The following NRG1 variants were observed in gnomAD, a reference collection of about 807,000 sequenced individuals.
The protein encoded by NRG1 is pro-neuregulin-1, membrane-bound isoform.
In NRG1, 18 loss-of-function variants were observed where a neutral mutation model predicts 63.8. The observed-to-expected ratio is 0.28, with a 90% confidence interval of 0.19 to 0.42. NRG1 has a LOEUF of 0.42. Ranked by LOEUF, NRG1 falls within the 10% of genes least tolerant of loss-of-function variation. The probability of loss-of-function intolerance (pLI) is 1.00; values close to 1 mark genes in which losing one functional copy is unlikely to be tolerated. For synonymous variants in NRG1, 302 were observed against 301.3 expected (o/e 1.00, Z -0.02); for missense variants, 762 against 814.7 (o/e 0.94, Z 0.79).
chr8:32,433,505 C>T (rs1009692804), intron 1 of NRG1, among the ~76,000 whole-genome samples: 1 of 152,020 alleles, frequency 6.6e-6, no homozygotes, highest in Admixed American at 6.5e-5. Flanking sequence ...TTTCCTTGTT[C>T]GGGAAATAAT....
chr8:31,858,291 T>C (rs1170264462), intron 1 of NRG1, among the ~76,000 whole-genome samples: 1 of 148,172 alleles, frequency 6.7e-6, no homozygotes, highest in South Asian at 2.1e-4. Context: ...AGAGTGAGAC[T>C]CCGTCTCAAA....
intron 1 of NRG1, among the ~76,000 whole-genome samples, chr8:31,844,297 C>A (rs1477196116): frequency 6.6e-6 from 1 of 152,150 alleles, no homozygotes. Flanking sequence ...AGCAGCCTTG[C>A]CAGTTCGGAA....
intron 1 of NRG1, among the ~76,000 whole-genome samples, chr8:32,062,898 T>A (rs1824120757): frequency 6.6e-6 from 1 of 152,126 alleles, no homozygotes; most frequent in African/African-American, 2.4e-5. Context: ...TTTTTGGTAC[T>A]GTGTATTAGG....
intron 1 of NRG1, among the ~76,000 whole-genome samples, chr8:32,126,416 T>G (rs1352249256): frequency 6.6e-6 from 1 of 151,862 alleles, no homozygotes; most frequent in African/African-American, 2.4e-5. Flanking sequence ...TACAATAAAA[T>G]GAAATTTGGC....
chr8:32,239,310 T>A, intron 1 of NRG1, among the ~76,000 whole-genome samples: 1 of 148,228 alleles, frequency 6.7e-6, no homozygotes, highest in African/African-American at 2.5e-5. Flanking sequence ...AGCAATTGGA[T>A]ATCCAAAGGC....
At chr8:32,192,556 A>C (rs183129805) in intron 1 of NRG1, among the ~76,000 whole-genome samples, 1 of 152,166 alleles carries the variant, frequency 6.6e-6, no homozygotes, top group Non-Finnish European at 1.5e-5. Flanking sequence ...CCATGGACGT[A>C]AAGATGGGAA....
chr8:31,959,656 T>G (rs2129625488), intron 1 of NRG1, among the ~76,000 whole-genome samples: 1 of 152,292 alleles, frequency 6.6e-6, no homozygotes, highest in East Asian at 1.9e-4. Context: ...GGAGATTATC[T>G]TTAAGCATTT....
intron 1 of NRG1, among the ~76,000 whole-genome samples, chr8:32,492,434 T>C (rs1188665900): frequency 6.6e-6 from 1 of 151,928 alleles, no homozygotes; most frequent in Admixed American, 6.6e-5. Context: ...TTTTTTTTTT[T>C]TCTGTAGAAA....
chr8:31,885,755 GT>G (rs1830671720), intron 1 of NRG1, among the ~76,000 whole-genome samples: 1 of 152,106 alleles, frequency 6.6e-6, no homozygotes, highest in African/African-American at 2.4e-5. Context: ...TCCTTATGCA[GT>G]TGTGTTTTGC....
intron 7 of NRG1, among the ~76,000 whole-genome samples, chr8:32,747,910 C>A (rs142328056): frequency 6.6e-6 from 1 of 152,082 alleles, no homozygotes; most frequent in African/African-American, 2.4e-5. Context: ...GCTACCCAAG[C>A]TGTTAAACCC....
At chr8:32,585,657 G>T (rs1240772073) in intron 1 of NRG1, among the ~76,000 whole-genome samples, 4 of 151,562 alleles carry the variant, frequency 2.6e-5, no homozygotes, top group African/African-American at 9.7e-5. Flanking sequence ...TAGTTCAAAA[G>T]AATTATTTTA....
chr8:32,349,610 G>C (rs1356039636), intron 1 of NRG1, among the ~76,000 whole-genome samples: 1 of 152,218 alleles, frequency 6.6e-6, no homozygotes, highest in East Asian at 1.9e-4. Context: ...AGAAGAATGA[G>C]AAATCCTCGA....
intron 1 of NRG1, among the ~76,000 whole-genome samples, chr8:31,852,705 A>G (rs1240987268): frequency 6.6e-6 from 1 of 152,146 alleles, no homozygotes; most frequent in Non-Finnish European, 1.5e-5. Flanking sequence ...CCTGAATGGT[A>G]ATGCCTAGGT....
At chr8:31,993,690 T>A (rs1279599766) in intron 1 of NRG1, among the ~76,000 whole-genome samples, 1 of 152,028 alleles carries the variant, frequency 6.6e-6, no homozygotes, top group Non-Finnish European at 1.5e-5. Context: ...GTCTCAGGTG[T>A]GTCTTTATCA....
intron 1 of NRG1, among the ~76,000 whole-genome samples, chr8:32,376,293 A>G (rs1809614905): frequency 2.0e-5 from 3 of 152,210 alleles, no homozygotes; most frequent in Admixed American, 2.0e-4. Context: ...CGCTCTGGCC[A>G]TTCCCTTTTA....
chr8:32,557,342 G>T (rs1347078467), intron 1 of NRG1, among the ~76,000 whole-genome samples: 1 of 152,140 alleles, frequency 6.6e-6, no homozygotes. Context: ...TATCAAATCT[G>T]TTTTTATATC....
intron 1 of NRG1, among the ~76,000 whole-genome samples, chr8:32,486,627 ATTTTT>A (rs1554557143): frequency 6.9e-6 from 1 of 145,518 alleles, no homozygotes; most frequent in African/African-American, 2.6e-5. Flanking sequence ...GAATTGCTGG[ATTTTT>A]TTTTTTTTTT....
At chr8:32,435,025 A>T (rs970793604) in intron 1 of NRG1, among the ~76,000 whole-genome samples, 4 of 152,194 alleles carry the variant, frequency 2.6e-5, no homozygotes, top group African/African-American at 9.7e-5. Flanking sequence ...GGACAAATGT[A>T]ATCACCATGT....
chr8:32,038,956 A>C (rs1315020235), intron 1 of NRG1, among the ~76,000 whole-genome samples: 1 of 150,938 alleles, frequency 6.6e-6, no homozygotes, highest in Admixed American at 6.6e-5. Context: ...CAGAAAAAGG[A>C]AAAAAAAATC....
Sources: allele counts gnomAD v4.1 joint callset (sites outside exome capture counted in the v4.1 genomes callset), GRCh38; gene constraint gnomAD v4.1.1; transcripts MANE v1.5; gene names NCBI Gene and HGNC (gene_info 2026-07-23, HGNC 2026-07-21).